CEP57L1: variants seen among roughly 807,000 people sequenced by gnomAD.
CEP57L1 encodes the protein centrosomal protein 57 like 1, also known as centrosomal protein CEP57L1.
CEP57L1 carries 37 observed loss-of-function variants against 61.0 expected under a neutral mutation model. The observed-to-expected ratio is 0.61, with a 90% CI of 0.47 to 0.80. The LOEUF is 0.80. Ranked by LOEUF, CEP57L1 falls within the 30% of genes least tolerant of loss-of-function variation. The pLI, the probability that CEP57L1 is intolerant of heterozygous loss-of-function variation, is 0.00. For synonymous variants in CEP57L1, 137 were observed against 162.3 expected, an observed-to-expected ratio of 0.84 and a Z score of 1.19; for missense variants, 422 against 524.7, an observed-to-expected ratio of 0.80 and a Z score of 1.91.
At chr6:109,156,457 G>C (rs1470998412) in intron 7 of CEP57L1, 1 of 152,160 alleles carries the variant, frequency 6.6e-6, no homozygotes, top group Non-Finnish European at 1.5e-5. Flanking sequence ...GGATTGGAGA[G>C]TTAGTACTTT....
intron 1 of CEP57L1, among the ~76,000 whole-genome samples, chr6:109,131,683 T>TA (rs142438773): frequency 0.055 from 8,369 of 151,662 alleles, 822 homozygotes; most frequent in African/African-American, 0.19. Context: ...ATAAAATACT[T>TA]AAAAAAAATT....
intron 1 of CEP57L1, among the ~76,000 whole-genome samples, chr6:109,101,144 T>A (rs1782347523): frequency 1.3e-5 from 2 of 152,182 alleles, no homozygotes; most frequent in Admixed American, 1.3e-4. Context: ...CCTTTTTTGC[T>A]GCAACATATC....
chr6:109,156,137 A>G (rs1773194778), intron 7 of CEP57L1: 1 of 290,352 alleles, frequency 3.4e-6, no homozygotes, highest in African/African-American at 2.2e-5. Context: ...AAAAAGGAAC[A>G]TATAATGGAC....
intron 10 of CEP57L1, among the ~76,000 whole-genome samples, chr6:109,161,766 G>A (rs985695992): frequency 6.6e-6 from 1 of 151,956 alleles, no homozygotes; most frequent in Non-Finnish European, 1.5e-5. Flanking sequence ...AACTCAGGTT[G>A]TATATATATA....
At chr6:109,105,761 C>T (rs1342896267) in intron 1 of CEP57L1, among the ~76,000 whole-genome samples, 2 of 152,144 alleles carry the variant, frequency 1.3e-5, no homozygotes, top group African/African-American at 2.4e-5. Flanking sequence ...CCCCAACCCT[C>T]GGGCCATGGA....
upstream of CEP57L1, chr6:109,095,269 A>C (rs1435402744): frequency 2.0e-6 from 2 of 985,642 alleles, no homozygotes. Flanking sequence ...GTAGAAGTAC[A>C]CTGAGACTTC....
At position 109,107,368 on chromosome 6, in the gene CEP57L1, G is replaced by C. The variant is rs186464132; in HGVS notation, c.-4+11793G>C. Among the ~76,000 whole-genome samples, 275 of 151,872 alleles carry C rather than the reference G, an allele frequency of 1.8e-3. 6 individuals carry two copies. The East Asian group carries it at 0.036, about 20-fold the overall frequency. On this transcript the variant is annotated intron_variant, in intron 1 of 10. Transcript: ENST00000517392. ...ACTTTTGTGTGTAGGTTAGAGGAGA[G>C]TTTTCTCTTTCATATTAATCAGAAC...
chr6:109,165,162 G>GA lies in CEP57L1; in HGVS notation c.*2198dup, dbSNP rs924557171. Among the ~76,000 whole-genome samples, 9 of 151,808 alleles carry GA rather than the reference G, an allele frequency of 5.9e-5. No homozygotes were observed. The highest frequency in any genetic ancestry group is 1.3e-4 in the Non-Finnish European group (9 of 67,982). ...TCTTAAAAATTAGTCCAGTGTAGTA[G>GA]AAAAAACCACAACTTCAGAGCTAGG... On this transcript the variant is annotated 3_prime_UTR_variant, in exon 11 of 11. Transcript: ENST00000517392.
Position 109,172,521 on chromosome 6 carries a change from A to G in CEP57L1, c.*9551A>G. Among the ~76,000 whole-genome samples the G allele has an allele frequency of 6.6e-6, 1 of 152,226 alleles. No individual in the cohort carries two copies. The highest frequency in any genetic ancestry group is 1.9e-4 in the East Asian group (1 of 5,202). On this transcript the variant is annotated 3_prime_UTR_variant, in exon 11 of 11. Coordinates refer to ENST00000517392, the MANE Select transcript of CEP57L1 (RefSeq NM_001271852.3). ...TATCTTGAATCTGGACACAGGACAA[A>G]CATTTCTTTGGAATGTGAAAAGTTT...
At chr6:109,123,251 TG>T (rs774408639) in intron 1 of CEP57L1, among the ~76,000 whole-genome samples, 9 of 152,140 alleles carry the variant, frequency 5.9e-5, no homozygotes, top group Non-Finnish European at 1.2e-4. Flanking sequence ...CTGAGCTAGC[TG>T]GGGCCAAATC....
chr6:109,104,657 C>T (rs554057858), intron 1 of CEP57L1, among the ~76,000 whole-genome samples: 1 of 152,292 alleles, frequency 6.6e-6, no homozygotes, highest in South Asian at 2.1e-4. Context: ...TCACAGCCCA[C>T]TGCAAGCCTC....
At chr6:109,143,856 A>G (rs1032030110) in intron 1 of CEP57L1, among the ~76,000 whole-genome samples, 6 of 152,144 alleles carry the variant, frequency 3.9e-5, no homozygotes, top group Admixed American at 2.6e-4. Context: ...TAGCTCCAGT[A>G]TTCTTGGGAT....
At position 109,124,322 on chromosome 6, in the gene CEP57L1, A is replaced by G. The variant is rs189395820; in HGVS notation, c.-3-20897A>G. On this transcript the variant is annotated intron_variant, in intron 1 of 10. Coordinates refer to ENST00000517392, the MANE Select transcript of CEP57L1 (RefSeq NM_001271852.3). ...TCTGGTTTCTGCTTCATCTTCTGCA[A>G]TATTTAGGCACTATACGACTTTCCA... 9.8e-4 allele frequency among the ~76,000 whole-genome samples: 150 copies of G among 152,294 alleles called. 1 individual carries two copies. Among genetic ancestry groups the G allele is most frequent in the African/African-American group, 3.5e-3 (147 of 41,560 alleles).
rs1298260523 is a variant in CEP57L1, at chr6:109,174,099, C to CAAAAAAAAAAAAAAAAAAAAAAAAAAAAA, written c.*11144_*11145insAAAAAAAAAAAAAAAAAAAAAAAAAAAAA. On this transcript the variant is annotated 3_prime_UTR_variant, in exon 11 of 11. Transcript: ENST00000517392. ...TGAGCCATAGAGTGAGTCTTGGTCT[C>CAAAAAAAAAAAAAAAAAAAAAAAAAAAAA]AAAAAAAAAAAAAAACCTTGTGTTG... Among the ~76,000 whole-genome samples the CAAAAAAAAAAAAAAAAAAAAAAAAAAAAA allele has an allele frequency of 3.7e-5, 3 of 81,904 alleles. No homozygotes were observed. The highest frequency in any genetic ancestry group is 1.4e-4 in the African/African-American group (3 of 20,850). 53.7% of individuals were successfully genotyped at this position (81,904 alleles called of 152,430 possible).
rs578035650 is a variant in CEP57L1, at chr6:109,166,719, A to G, written c.*3749A>G. Among the ~76,000 whole-genome samples, 2 of 152,230 alleles carry G rather than the reference A, an allele frequency of 1.3e-5. No individual in the cohort carries two copies. Among genetic ancestry groups the G allele is most frequent in the Non-Finnish European group, 2.9e-5 (2 of 68,042 alleles). ...TCTTATCCATGATAAGAGATCAAAA[A>G]TTAAATAAAAATTTTACTTGTAATG... On this transcript the variant is annotated 3_prime_UTR_variant, in exon 11 of 11. Coordinates refer to ENST00000517392, the MANE Select transcript of CEP57L1 (RefSeq NM_001271852.3).
At chr6:109,150,328 G>A in intron 4 of CEP57L1, 89 bp downstream of exon 4, 1 of 1,495,710 alleles carries the variant, frequency 6.7e-7, no homozygotes, top group Non-Finnish European at 9.1e-7. Context: ...AAAGGCAAAG[G>A]TGGCATAATG....
intron 10 of CEP57L1, among the ~76,000 whole-genome samples, chr6:109,161,154 C>G (rs780107687): frequency 6.6e-5 from 10 of 152,130 alleles, no homozygotes; most frequent in Non-Finnish European, 1.3e-4. Context: ...GCATGATTTC[C>G]CCTTTCCCAA....
chr6:109,122,217 T>G (rs1773058049), intron 1 of CEP57L1, among the ~76,000 whole-genome samples: 1 of 152,174 alleles, frequency 6.6e-6, no homozygotes, highest in Non-Finnish European at 1.5e-5. Flanking sequence ...TTTGCTGTGT[T>G]TTGGTTTTGA....
intron 10 of CEP57L1, among the ~76,000 whole-genome samples, chr6:109,161,580 G>GAAGA (rs995730647): frequency 3.0e-4 from 45 of 152,172 alleles, no homozygotes; most frequent in African/African-American, 1.1e-3. Flanking sequence ...AGAAGGAAAG[G>GAAGA]AAGAAAGAAA....
Sources: allele counts gnomAD v4.1 joint callset (sites outside exome capture counted in the v4.1 genomes callset), GRCh38; gene constraint gnomAD v4.1.1; transcripts MANE v1.5; gene names NCBI Gene and HGNC (gene_info 2026-07-23, HGNC 2026-07-21).